The following HNRNPUL1 variants were observed in gnomAD, a reference collection of about 807,000 sequenced individuals.
The protein encoded by HNRNPUL1 is heterogeneous nuclear ribonucleoprotein U-like protein 1.
Under a neutral mutation model 108.5 loss-of-function variants are expected in HNRNPUL1, and 14 were observed. The observed-to-expected ratio is 0.13, with a 90% CI of 0.09 to 0.20. The LOEUF (loss-of-function observed/expected upper bound fraction) is 0.20, where lower values mean the gene tolerates loss of function less well. HNRNPUL1 is among the 10% of genes least tolerant of loss of function. HNRNPUL1 has a pLI of 1.00. For synonymous variants in HNRNPUL1, 422 were observed against 445.2 expected, an observed-to-expected ratio of 0.95 and a Z score of 0.66; for missense variants, 804 against 1,168.3, an observed-to-expected ratio of 0.69 and a Z score of 4.55.
intron 5 of HNRNPUL1, 96 bp from the exon 6 acceptor site, chr19:41,278,981 T>A: frequency 1.2e-6 from 1 of 856,504 alleles, no homozygotes; most frequent in Non-Finnish European, 2.0e-6. Context: ...AAGCCATTGC[T>A]ATTTTTTAAT....
Position 41,264,418 on chromosome 19 carries a change from C to T in HNRNPUL1, c.-86C>T. On this transcript the variant is annotated 5_prime_UTR_variant, in exon 1 of 15. Transcript: ENST00000392006. ...TGGAGTGGGCCCCCCCCCTTTCCCC[C>T]TTCGCCTCCTGACAGGAAAGGTTTA... is the stretch of plus-strand genomic sequence containing the variant. 1 of 1,178,304 alleles carries T rather than the reference C, an allele frequency of 8.5e-7. No individual in the cohort carries two copies. The allele number at this position is 1,178,304 out of a possible 1,614,324, so 73.0% of individuals were successfully genotyped here. A position where few individuals can be genotyped will look rare whatever the true frequency, so the allele number is the denominator to read the frequency against.
chr19:41,305,480 G>A lies in HNRNPUL1; in HGVS notation c.2263-196G>A, dbSNP rs530548265. Among the ~76,000 whole-genome samples the A allele has an allele frequency of 2.0e-5, 3 of 152,342 alleles. No homozygotes were observed. The South Asian group carries it at 6.2e-4, about 32-fold the overall frequency. On this transcript the variant is annotated intron_variant, in intron 13 of 14. Coordinates refer to ENST00000392006, the MANE Select transcript of HNRNPUL1 (RefSeq NM_007040.6). ...TTAGAGTCCACATCACAGCCCTGGGGCTTGCCCTTCATCCTGCCCTACCAT... is the reference window on the plus strand; with the variant it reads ...TTAGAGTCCACATCACAGCCCTGGGACTTGCCCTTCATCCTGCCCTACCAT...
At chr19:41,268,777 G>T (rs2035020568) in intron 2 of HNRNPUL1, among the ~76,000 whole-genome samples, 3 of 152,028 alleles carry the variant, frequency 2.0e-5, no homozygotes, top group Admixed American at 2.0e-4. Flanking sequence ...AGAATCACTT[G>T]AACCCAGGAG....
At chr19:41,277,619 G>C (rs1174459827) in intron 5 of HNRNPUL1, among the ~76,000 whole-genome samples, 1 of 152,156 alleles carries the variant, frequency 6.6e-6, no homozygotes, top group South Asian at 2.1e-4. Flanking sequence ...CAATTATCCT[G>C]CCTCAGCCTC....
intron 7 of HNRNPUL1, among the ~76,000 whole-genome samples, chr19:41,289,406 A>G (rs1476701451): frequency 6.6e-6 from 1 of 152,196 alleles, no homozygotes; most frequent in East Asian, 1.9e-4. Context: ...AGCAAACCAT[A>G]AAGAGTATGA....
At chr19:41,285,783 C>G (rs1268816252) in intron 7 of HNRNPUL1, among the ~76,000 whole-genome samples, 1 of 152,046 alleles carries the variant, frequency 6.6e-6, no homozygotes, top group Non-Finnish European at 1.5e-5. Context: ...TTATTTGTCC[C>G]TAAACAATGG....
intron 4 of HNRNPUL1, among the ~76,000 whole-genome samples, chr19:41,275,324 G>A (rs59724812): frequency 1.3e-5 from 2 of 152,064 alleles, no homozygotes; most frequent in African/African-American, 2.4e-5. Context: ...CCCTGTCTAC[G>A]AAAAATATAA....
At chr19:41,263,595 ACT>A (rs1397788624), upstream of HNRNPUL1, among the ~76,000 whole-genome samples, 8 of 151,880 alleles carry the variant, frequency 5.3e-5, no homozygotes, top group African/African-American at 1.5e-4. Context: ...AACCTTCGGG[ACT>A]CTCTCAACTC....
intron 3 of HNRNPUL1, among the ~76,000 whole-genome samples, chr19:41,273,697 C>A (rs1599775484): frequency 6.6e-6 from 1 of 152,146 alleles, no homozygotes; most frequent in East Asian, 1.9e-4. Flanking sequence ...GGATCAGAAT[C>A]TTTGGGTGTA....
At chr19:41,276,459 A>C (rs1384471186) in intron 5 of HNRNPUL1, 161 bp downstream of exon 5, 2 of 651,154 alleles carry the variant, frequency 3.1e-6, no homozygotes, top group East Asian at 6.1e-5. Context: ...CAACTACATC[A>C]TTGCTAAATA....
intron 3 of HNRNPUL1, 91 bp downstream of exon 3, chr19:41,272,326 G>A (rs920381995): frequency 2.3e-5 from 29 of 1,271,260 alleles, no homozygotes; most frequent in Non-Finnish European, 2.6e-5. Context: ...CTAACCTAGA[G>A]GGGCTGAGTA....
chr19:41,306,419 C>G (rs753048097), intron 14 of HNRNPUL1, 30 bp from the exon 15 acceptor site: 2 of 1,499,852 alleles, frequency 1.3e-6, no homozygotes, highest in South Asian at 2.5e-5. Context: ...GGATGCAGGA[C>G]AACTTGGTGT....
intron 12 of HNRNPUL1, among the ~76,000 whole-genome samples, chr19:41,303,181 C>G (rs1251176566): frequency 6.6e-6 from 1 of 152,188 alleles, no homozygotes; most frequent in East Asian, 1.9e-4. Flanking sequence ...AGTGCACATT[C>G]TGTCACATTG....
At chr19:41,300,465 C>T (rs1599848607) in intron 10 of HNRNPUL1, among the ~76,000 whole-genome samples, 1 of 152,116 alleles carries the variant, frequency 6.6e-6, no homozygotes, top group African/African-American at 2.4e-5. Context: ...TGCTGAGTTC[C>T]TGAGTTTCCA....
chr19:41,293,197 A>G (rs781626041), intron 8 of HNRNPUL1, among the ~76,000 whole-genome samples: 13 of 152,236 alleles, frequency 8.5e-5, no homozygotes, highest in Non-Finnish European at 1.8e-4. Flanking sequence ...TGCTTGTTCT[A>G]GAAAATTAAG....
rs1180096678 is a variant in HNRNPUL1 at position 41,294,247 on chromosome 19, T to A, written c.1267-91T>A. On this transcript the variant is annotated intron_variant, in intron 8 of 14. Transcript: ENST00000392006. This position sits in a 1 kb window ranked among gnomAD's most constrained non-coding sequence, Gnocchi z 4.3. ...TCCGCTTTGTAGAGGCAGCCACAGC[T>A]CAGAGGTCCAGAGTCACACTCACAG... 1 of 1,465,510 alleles carries A rather than the reference T, an allele frequency of 6.8e-7. No individual in the cohort carries two copies. The highest frequency in any genetic ancestry group is 9.4e-7 in the Non-Finnish European group (1 of 1,060,950). 90.8% of individuals were successfully genotyped at this position (1,465,510 alleles called of 1,614,324 possible). A position where few individuals can be genotyped will look rare whatever the true frequency, so the allele number is the denominator to read the frequency against.
chr19:41,290,301 A>G (rs1359663843), intron 7 of HNRNPUL1, among the ~76,000 whole-genome samples: 3 of 152,114 alleles, frequency 2.0e-5, no homozygotes, highest in Admixed American at 6.5e-5. Context: ...TATTTAACAA[A>G]CGTTTTAAAA....
chr19:41,273,557 A>T (rs1015523682), intron 3 of HNRNPUL1, among the ~76,000 whole-genome samples: 2 of 152,180 alleles, frequency 1.3e-5, no homozygotes, highest in Non-Finnish European at 2.9e-5. Flanking sequence ...ACATGGATAG[A>T]TAGTAATTAT....
At chr19:41,277,736 A>G (rs567998495) in intron 5 of HNRNPUL1, among the ~76,000 whole-genome samples, 9 of 152,256 alleles carry the variant, frequency 5.9e-5, no homozygotes, top group Non-Finnish European at 1.0e-4. Context: ...TGAACTCCTG[A>G]GCTCAGGTGA....
Sources: gnomAD v4.1 joint callset for allele counts (sites outside exome capture counted in the v4.1 genomes callset) on GRCh38, gnomAD v4.1.1 for gene constraint, Gnocchi (gnomAD v3.1) non-coding constraint, MANE v1.5 for transcripts, NCBI Gene and HGNC (gene_info 2026-07-23, HGNC 2026-07-21) for gene names.